Variants in CPED1 observed in about 807,000 individuals in gnomAD.
The protein encoded by CPED1 is cadherin-like and PC-esterase domain-containing protein 1.
In CPED1, 114 loss-of-function variants were observed where a neutral mutation model predicts 128.2. The ratio of observed to expected loss-of-function variants is 0.89; its 90% confidence interval spans 0.76 to 1.04. CPED1 has a LOEUF of 1.04. CPED1 is among the 50% of genes least tolerant of loss of function. The pLI is 0.00. For synonymous variants in CPED1, 462 were observed against 426.7 expected (o/e 1.08, Z -1.02); for missense variants, 1,211 against 1,207.1 (o/e 1.00, Z -0.05).
At chr7:121,046,782 T>C in intron 3 of CPED1, 105 bp from the exon 4 acceptor site, 1 of 694,096 alleles carries the variant, frequency 1.4e-6, no homozygotes, top group Non-Finnish European at 2.4e-6. Context: ...CATTTACTTG[T>C]GTTTCAGAAT....
chr7:121,107,804 A>G (rs188484954), intron 7 of CPED1, among the ~76,000 whole-genome samples: 2 of 152,234 alleles, frequency 1.3e-5, no homozygotes, highest in Admixed American at 6.6e-5. Flanking sequence ...TATTAACAAT[A>G]TCCTTTATTC....
chr7:121,148,767 G>A (rs920539780), intron 16 of CPED1, among the ~76,000 whole-genome samples: 2 of 152,048 alleles, frequency 1.3e-5, no homozygotes, highest in African/African-American at 4.8e-5. Context: ...TCCCTTTGTG[G>A]ACCCTTTGTT....
At chr7:121,051,805 G>A (rs1355589038) in intron 4 of CPED1, 1 of 156,388 alleles carries the variant, frequency 6.4e-6, no homozygotes, top group Non-Finnish European at 1.4e-5. Flanking sequence ...GTATGTAACA[G>A]CTTATCAACA....
chr7:121,161,300 C>A (rs1796407893), intron 16 of CPED1, among the ~76,000 whole-genome samples: 2 of 152,160 alleles, frequency 1.3e-5, no homozygotes, highest in African/African-American at 4.8e-5. Flanking sequence ...CCCTTACCTG[C>A]AACTGGAGGG....
chr7:121,087,091 A>G (rs1794442404), intron 5 of CPED1, among the ~76,000 whole-genome samples: 3 of 152,288 alleles, frequency 2.0e-5, no homozygotes, highest in African/African-American at 7.2e-5. Context: ...AAAACACTCA[A>G]TCCCCTCTCC....
intron 16 of CPED1, among the ~76,000 whole-genome samples, chr7:121,158,597 A>T (rs1796343127): frequency 1.3e-5 from 2 of 151,970 alleles, no homozygotes; most frequent in East Asian, 1.9e-4. Context: ...AACAAATATT[A>T]AAAAAATTTT....
chr7:121,157,672 A>G (rs548744810), intron 16 of CPED1, among the ~76,000 whole-genome samples: 7 of 152,266 alleles, frequency 4.6e-5, no homozygotes, highest in Admixed American at 2.6e-4. Flanking sequence ...ATTGCCAGTC[A>G]ATGAACTTTG....
At chr7:120,999,907 T>C (rs1791791465) in intron 2 of CPED1, among the ~76,000 whole-genome samples, 1 of 152,186 alleles carries the variant, frequency 6.6e-6, no homozygotes, top group Non-Finnish European at 1.5e-5. Flanking sequence ...ATATTAAATG[T>C]CATATGTATC....
At chr7:121,221,401 G>C (rs984939264) in intron 16 of CPED1, among the ~76,000 whole-genome samples, 5 of 152,218 alleles carry the variant, frequency 3.3e-5, no homozygotes, top group Non-Finnish European at 7.3e-5. Flanking sequence ...CTTTGCTATT[G>C]TGAATAGTGC....
intron 3 of CPED1, among the ~76,000 whole-genome samples, chr7:121,026,632 T>C (rs910899313): frequency 4.0e-5 from 6 of 150,406 alleles, no homozygotes; most frequent in African/African-American, 1.2e-4. Context: ...AATCAGAATT[T>C]TGGGGGAGGG....
chr7:121,143,591 A>T lies in CPED1; in HGVS notation c.2055+1450A>T, dbSNP rs535928822. On this transcript the variant is annotated intron_variant, in intron 16 of 22. Coordinates refer to ENST00000310396, the MANE Select transcript of CPED1 (RefSeq NM_024913.5). ...TAATATAGCCACACCAAAAATGTTTAAAAAAATAAACAAAAACTTAGAGGG... is the reference window on the plus strand; with the variant it reads ...TAATATAGCCACACCAAAAATGTTTTAAAAAATAAACAAAAACTTAGAGGG... 5.3e-5 allele frequency among the ~76,000 whole-genome samples: 8 copies of T among 151,990 alleles called. No individual in the cohort carries two copies. The East Asian group carries it at 1.5e-3, about 29-fold the overall frequency.
chr7:121,065,873 G>A (rs1361145789), intron 5 of CPED1, among the ~76,000 whole-genome samples: 2 of 152,040 alleles, frequency 1.3e-5, no homozygotes, highest in Admixed American at 6.6e-5. Context: ...AGAATGCACA[G>A]CTTTTTAAAT....
At chr7:121,224,967 AT>A (rs1797968734) in intron 16 of CPED1, among the ~76,000 whole-genome samples, 2 of 151,956 alleles carry the variant, frequency 1.3e-5, no homozygotes, top group African/African-American at 4.8e-5. Context: ...CATTTAGCCC[AT>A]TTACATTTAA....
chr7:121,064,488 A>G (rs1425628212), intron 5 of CPED1, among the ~76,000 whole-genome samples, 175 bp downstream of exon 5: 1 of 152,174 alleles, frequency 6.6e-6, no homozygotes, highest in African/African-American at 2.4e-5. Flanking sequence ...TAAAGTGAGG[A>G]ATAACAACCG....
chr7:121,296,625 T>C lies in CPED1; in HGVS notation c.*973T>C, dbSNP rs931614680. The stretch of plus-strand genomic sequence containing the variant: ...TATTATGTTACTAGTATCTATATTT[T>C]GATTTTCCTGAGCAACTGTATCAAA... On this transcript the variant is annotated 3_prime_UTR_variant, in exon 23 of 23. Coordinates refer to ENST00000310396, the MANE Select transcript of CPED1 (RefSeq NM_024913.5). The C allele has an allele frequency of 6.6e-6, 1 of 152,144 alleles. No individual in the cohort carries two copies. Among genetic ancestry groups the C allele is most frequent in the Non-Finnish European group, 1.5e-5 (1 of 67,972 alleles). 9.4% of individuals were successfully genotyped at this position (152,144 alleles called of 1,614,324 possible).
At chr7:121,291,215 A>G (rs781431569) in intron 22 of CPED1, among the ~76,000 whole-genome samples, 9 of 152,090 alleles carry the variant, frequency 5.9e-5, no homozygotes, top group Non-Finnish European at 5.9e-5. Flanking sequence ...GCCTTGTAGT[A>G]TGGTTTGGAG....
chr7:121,007,231 A>ATTTTTTTTTTTTT (rs398006038), intron 2 of CPED1, among the ~76,000 whole-genome samples: 1 of 129,824 alleles, frequency 7.7e-6, no homozygotes, highest in African/African-American at 2.9e-5. Context: ...TTCAGGTTGC[A>ATTTTTTTTTTTTT]TTTTTTTTTT....
chr7:121,198,181 A>G (rs1407286088), intron 16 of CPED1, among the ~76,000 whole-genome samples: 4 of 152,160 alleles, frequency 2.6e-5, no homozygotes, highest in Non-Finnish European at 4.4e-5. Context: ...TAGGAAAAAA[A>G]TCACTCAGTA....
intron 5 of CPED1, among the ~76,000 whole-genome samples, chr7:121,067,308 C>T (rs1352782974): frequency 1.3e-5 from 2 of 151,934 alleles, no homozygotes; most frequent in African/African-American, 4.8e-5. Flanking sequence ...TGTTCCCCTT[C>T]CTGTGTCCAT....
Sources: gnomAD v4.1 joint callset for allele counts (sites outside exome capture counted in the v4.1 genomes callset) on GRCh38, gnomAD v4.1.1 for gene constraint, MANE v1.5 for transcripts, NCBI Gene and HGNC (gene_info 2026-07-23, HGNC 2026-07-21) for gene names.